EWSR1: variants seen among roughly 807,000 people sequenced by gnomAD.
EWSR1 encodes the protein RNA-binding protein EWS.
EWSR1 carries 14 observed loss-of-function variants against 92.1 expected under a neutral mutation model. That is an observed-to-expected ratio of 0.15 (90% CI 0.10 to 0.24). The LOEUF is 0.24. Ranked by LOEUF, EWSR1 falls within the 10% of genes least tolerant of loss-of-function variation. The pLI is 1.00. For missense variants in EWSR1, 637 were observed against 870.9 expected (o/e 0.73, Z 3.38); for synonymous variants, 303 against 292.9 (o/e 1.03, Z -0.35).
In EWSR1 at chr22:29,291,566, G is replaced by A; in HGVS notation, c.979G>A (p.Ala327Thr). ...TTTCTTCGTTTATCCCCCCAGCAGC[G>A]CTGGAGAGCGAGGTGGCTTCAATAA... ...RGGGRGGMGS[A>T]GERGGFNKPG... The change falls in exon 9 of 17, where the codon GCT becomes ACT. Residue 327 changes from alanine to threonine, a missense_variant. This residue lies in a region of EWSR1 where 8 missense variants were observed against 36.1 expected (regional missense o/e 0.22). Transcript: ENST00000397938. 7 of 1,613,702 alleles carry A rather than the reference G, an allele frequency of 4.3e-6. No individual in the cohort carries two copies. The highest frequency in any genetic ancestry group is 2.2e-5 in the East Asian group (1 of 44,884).
At chr22:29,297,804 G>T in intron 12 of EWSR1, 23 bp from the exon 13 acceptor site, 1 of 1,613,256 alleles carries the variant, frequency 6.2e-7, no homozygotes, top group Admixed American at 1.7e-5. Context: ...GGGAGTAATT[G>T]ATGTTCTGTT....
At chr22:29,297,105 T>G (rs780164333) in intron 12 of EWSR1, among the ~76,000 whole-genome samples, 2 of 152,218 alleles carry the variant, frequency 1.3e-5, no homozygotes, top group Non-Finnish European at 2.9e-5. Context: ...TGCAGTCAGC[T>G]TCCCACCAGC....
intron 5 of EWSR1, among the ~76,000 whole-genome samples, chr22:29,281,846 A>G (rs2059632731): frequency 6.6e-6 from 1 of 152,096 alleles, no homozygotes; most frequent in African/African-American, 2.4e-5. Context: ...CGGCCTCCCA[A>G]AGTGCTGGGA....
At chr22:29,299,072 T>G in intron 14 of EWSR1, 162 bp from the exon 15 acceptor site, 1 of 1,426,624 alleles carries the variant, frequency 7.0e-7, no homozygotes. Context: ...AAGATTGATT[T>G]GACCTGTCCT....
chr22:29,288,978 C>G (rs750575011), intron 8 of EWSR1, 192 bp downstream of exon 8: 24 of 566,408 alleles, frequency 4.2e-5, no homozygotes, highest in Non-Finnish European at 7.1e-5. Context: ...TATTTTCTTT[C>G]CCTGCCAGTA....
intron 6 of EWSR1, among the ~76,000 whole-genome samples, chr22:29,284,074 TC>T (rs775997793): frequency 6.6e-6 from 1 of 151,328 alleles, no homozygotes; most frequent in Non-Finnish European, 1.5e-5. Context: ...CCTCAGGTGA[TC>T]CGCCTGCCTC....
chr22:29,278,231 T>C lies in EWSR1; in HGVS notation c.413+15T>C, dbSNP rs538899336. ...GCACCTACAAGGTAAGGCCATGGTG[T>C]CCTTAATGCGTCAGTCTTATGTTGG... On this transcript the variant is annotated intron_variant, in intron 5 of 16. Coordinates refer to ENST00000397938, the MANE Select transcript of EWSR1 (RefSeq NM_005243.4). The C allele has an allele frequency of 1.1e-4, 176 of 1,610,950 alleles. No homozygotes were observed. The African/African-American group carries it at 2.0e-3, about 18-fold the overall frequency.
chr22:29,292,122 T>C lies in EWSR1; in HGVS notation c.1013-15T>C, dbSNP rs1471871096. ...TGCACTAATAATATTTTATATGATC[T>C]TTCCTGGTTGGCAGGACCCATGGAT... On this transcript the variant is annotated splice_polypyrimidine_tract_variant and intron_variant, in intron 9 of 16. Coordinates refer to ENST00000397938, the MANE Select transcript of EWSR1 (RefSeq NM_005243.4). 6.2e-7 allele frequency: 1 copy of C among 1,613,182 alleles called. No individual in the cohort carries two copies. Among genetic ancestry groups the C allele is most frequent in the South Asian group, 1.1e-5 (1 of 91,064 alleles).
At chr22:29,289,127 G>A (rs2060259113) in intron 8 of EWSR1, 1 of 267,654 alleles carries the variant, frequency 3.7e-6, no homozygotes, top group Non-Finnish European at 7.1e-6. Context: ...ATGACCCTAA[G>A]TTGTTAACTA....
At chr22:29,274,867 T>C (rs919035971) in intron 4 of EWSR1, among the ~76,000 whole-genome samples, 1 of 152,210 alleles carries the variant, frequency 6.6e-6, no homozygotes, top group South Asian at 2.1e-4. Flanking sequence ...TGCTGTGTAA[T>C]GTTTCAGGCT....
At chr22:29,299,442 C>CG (rs1440499773) in intron 15 of EWSR1, 111 bp downstream of exon 15, 1 of 1,495,172 alleles carries the variant, frequency 6.7e-7, no homozygotes, top group Non-Finnish European at 9.0e-7. Context: ...TTTGAGTTGT[C>CG]GTGTCCTCAT....
intron 6 of EWSR1, 67 bp downstream of exon 6, chr22:29,282,624 C>A: frequency 7.5e-7 from 1 of 1,334,760 alleles, no homozygotes; most frequent in Non-Finnish European, 1.0e-6. Context: ...TGTTGACCAG[C>A]TTGCTTTGAC....
At chr22:29,289,410 G>T (rs988745219) in intron 8 of EWSR1, 1 of 230,948 alleles carries the variant, frequency 4.3e-6, no homozygotes, top group Non-Finnish European at 8.6e-6. Flanking sequence ...AGTCTAAATC[G>T]GTTTGACCAT....
rs767315803 is a variant in EWSR1 at position 29,297,955 on chromosome 22, T to C, written c.1417+6T>C. On this transcript the variant is annotated splice_donor_region_variant and intron_variant, in intron 13 of 16. Coordinates refer to ENST00000397938, the MANE Select transcript of EWSR1 (RefSeq NM_005243.4). Reference sequence around the variant, plus strand: ...GCCACCACCACTCCGTGGAGGTACTTTTTCTGAGCTCCTATGTTGCATTAA... The same window carrying C: ...GCCACCACCACTCCGTGGAGGTACTCTTTCTGAGCTCCTATGTTGCATTAA... 33 of 1,610,504 alleles carry C rather than the reference T, an allele frequency of 2.0e-5. No homozygotes were observed. The highest frequency in any genetic ancestry group is 3.3e-4 in the Middle Eastern group (2 of 6,068).
Position 29,288,668 on chromosome 22 carries a change from T to A in EWSR1, c.856T>A (p.Ser286Thr), listed in dbSNP as rs1460190535. The A allele has an allele frequency of 6.2e-7, 1 of 1,613,888 alleles. No homozygotes were observed. The highest frequency in any genetic ancestry group is 8.5e-7 in the Non-Finnish European group (1 of 1,179,870). Residue 286 changes from serine (S) to threonine (T), a missense_variant, in exon 8 of 17, where the codon TCC becomes ACC. Coordinates refer to ENST00000397938, the MANE Select transcript of EWSR1 (RefSeq NM_005243.4). The part of the protein sequence containing the change: ...GVYGQESGGF[S>T]GPGENRSMSG... ...TTATGGGCAGGAGTCTGGAGGATTTTCCGGACCAGGAGAGAACCGGAGCAT... is the reference window on the plus strand; with the variant it reads ...TTATGGGCAGGAGTCTGGAGGATTTACCGGACCAGGAGAGAACCGGAGCAT...
rs532052733 is a variant in EWSR1 at position 29,275,831 on chromosome 22, T to G, written c.226+1967T>G. ...TTAATTTTTACGTTGAACAAAAGTT[T>G]TGGTTTGTGTAATATTTCTTACCAC... On this transcript the variant is annotated intron_variant, in intron 4 of 16. Coordinates refer to ENST00000397938, the MANE Select transcript of EWSR1 (RefSeq NM_005243.4). 40 of 231,954 alleles carry G rather than the reference T, an allele frequency of 1.7e-4. No homozygotes were observed. The South Asian group carries it at 6.0e-3, about 35-fold the overall frequency. 14.4% of individuals were successfully genotyped at this position (231,954 alleles called of 1,614,324 possible). A position where few individuals can be genotyped will look rare whatever the true frequency, so the allele number is the denominator to read the frequency against.
chr22:29,291,736 A>G, intron 9 of EWSR1, 137 bp downstream of exon 9: 2 of 787,818 alleles, frequency 2.5e-6, no homozygotes, highest in Non-Finnish European at 4.0e-6. Flanking sequence ...TACTGCCGGC[A>G]TTGTCTTAGG....
chr22:29,278,534 A>C (rs1263637426), intron 5 of EWSR1, among the ~76,000 whole-genome samples: 1 of 152,068 alleles, frequency 6.6e-6, no homozygotes, highest in Non-Finnish European at 1.5e-5. Flanking sequence ...CTAAAAATGC[A>C]AAAATACCGG....
chr22:29,275,939 T>TC, intron 4 of EWSR1: 1 of 231,934 alleles, frequency 4.3e-6, no homozygotes, highest in Admixed American at 5.6e-5. Context: ...TTTTTTGTTT[T>TC]TTTTTTGGTC....
Sources: gnomAD v4.1 joint callset for allele counts (sites outside exome capture counted in the v4.1 genomes callset) on GRCh38, gnomAD v4.1.1 for gene constraint, gnomAD v4.1.1 regional missense constraint, MANE v1.5 for transcripts, NCBI Gene and HGNC (gene_info 2026-07-23, HGNC 2026-07-21) for gene names.